MYO10: variants seen among roughly 807,000 people sequenced by gnomAD.
The protein encoded by MYO10 is unconventional myosin-X.
In MYO10, 133 loss-of-function variants were observed where a neutral mutation model predicts 257.3. The ratio of observed to expected loss-of-function variants is 0.52; its 90% CI spans 0.45 to 0.60. The LOEUF is 0.60. Ranked by LOEUF, MYO10 falls within the 20% of genes least tolerant of loss-of-function variation. The probability of loss-of-function intolerance (pLI) is 0.00; values close to 1 mark genes in which losing one functional copy is unlikely to be tolerated. For missense variants in MYO10, 2,399 were observed against 2,635.7 expected (o/e 0.91, Z 1.97); for synonymous variants, 1,104 against 1,028.6 (o/e 1.07, Z -1.40).
chr5:16,691,971 C>T (rs1448449433), intron 27 of MYO10, among the ~76,000 whole-genome samples: 1 of 152,128 alleles, frequency 6.6e-6, no homozygotes, highest in East Asian at 1.9e-4. Flanking sequence ...TTACAAACAG[C>T]AAGTGAAAGA....
At chr5:16,883,916 AAG>A (rs1362386961) in intron 1 of MYO10, among the ~76,000 whole-genome samples, 1 of 152,194 alleles carries the variant, frequency 6.6e-6, no homozygotes, top group African/African-American at 2.4e-5. Flanking sequence ...GTTCACGAAA[AAG>A]AGAACATTCT....
chr5:16,717,623 G>A (rs1168921723), intron 19 of MYO10, among the ~76,000 whole-genome samples: 1 of 152,210 alleles, frequency 6.6e-6, no homozygotes, highest in Non-Finnish European at 1.5e-5. Context: ...ATTGCAAACT[G>A]AGCAAATCCA....
At chr5:16,793,899 C>G (rs1374262651) in intron 4 of MYO10, among the ~76,000 whole-genome samples, 1 of 150,600 alleles carries the variant, frequency 6.6e-6, no homozygotes, top group African/African-American at 2.4e-5. Flanking sequence ...CCATTGCACT[C>G]CAGCCTGGGC....
At chr5:16,763,345 T>C in intron 14 of MYO10, 136 bp downstream of exon 14, 1 of 710,832 alleles carries the variant, frequency 1.4e-6, no homozygotes, top group Non-Finnish European at 2.5e-6. Context: ...ACATTTATGT[T>C]TCCAAATGGT....
At chr5:16,671,047 C>A (rs1040851182) in intron 38 of MYO10, 69 bp from the exon 39 acceptor site, 1 of 1,362,482 alleles carries the variant, frequency 7.3e-7, no homozygotes, top group Non-Finnish European at 1.0e-6. Flanking sequence ...ACGTCGCTTG[C>A]TCCCTCACTT....
rs113057084 is a variant in MYO10, at chr5:16,787,101, G to A, written c.468-3632C>T. 1.5e-3 allele frequency among the ~76,000 whole-genome samples: 222 copies of A among 152,214 alleles called. 1 individual carries two copies. Among genetic ancestry groups the A allele is most frequent in the African/African-American group, 5.1e-3 (214 of 41,554 alleles). ...GGAGAATCACTTGAATCCGGGAGGC[G>A]GAGGTTGCAGTGAGCAGAGATTGCA... On this transcript the variant is annotated intron_variant, in intron 4 of 40. Transcript: ENST00000513610.
intron 19 of MYO10, among the ~76,000 whole-genome samples, chr5:16,737,508 A>G (rs1411225670): frequency 6.6e-6 from 1 of 152,280 alleles, no homozygotes; most frequent in Non-Finnish European, 1.5e-5. Context: ...ACATCCAGAA[A>G]GTGTGAAACG....
intron 1 of MYO10, among the ~76,000 whole-genome samples, chr5:16,878,079 A>C (rs1482653593): frequency 3.3e-5 from 5 of 152,222 alleles, no homozygotes; most frequent in African/African-American, 1.2e-4. Flanking sequence ...CTTGCCCAGC[A>C]TCACAAAGAC....
chr5:16,852,472 A>G (rs1381638273), intron 2 of MYO10, among the ~76,000 whole-genome samples: 1 of 152,050 alleles, frequency 6.6e-6, no homozygotes, highest in Non-Finnish European at 1.5e-5. Flanking sequence ...TAAACAAATT[A>G]ACTGACCTTT....
intron 32 of MYO10, 45 bp downstream of exon 32, chr5:16,681,264 A>C (rs778270713): frequency 6.4e-7 from 1 of 1,556,380 alleles, no homozygotes; most frequent in Non-Finnish European, 8.7e-7. Flanking sequence ...GCAAGCCCAG[A>C]CTTTAAGATT....
intron 9 of MYO10, among the ~76,000 whole-genome samples, chr5:16,770,344 G>A (rs924283943): frequency 6.6e-4 from 100 of 152,114 alleles, no homozygotes; most frequent in African/African-American, 2.3e-3. Context: ...TTCTCCAAAG[G>A]ATTTTTTATG....
chr5:16,795,734 C>T (rs1313649612), intron 3 of MYO10, among the ~76,000 whole-genome samples: 1 of 151,962 alleles, frequency 6.6e-6, no homozygotes, highest in African/African-American at 2.4e-5. Flanking sequence ...GTCTCGAACT[C>T]CTGGTTTTGA....
chr5:16,838,510 T>C (rs1167506890), intron 2 of MYO10, among the ~76,000 whole-genome samples: 1 of 152,134 alleles, frequency 6.6e-6, no homozygotes, highest in African/African-American at 2.4e-5. Context: ...CAGCACAGAT[T>C]CGTTGATGAG....
At chr5:16,863,476 T>C (rs1744160574) in intron 2 of MYO10, among the ~76,000 whole-genome samples, 1 of 152,230 alleles carries the variant, frequency 6.6e-6, no homozygotes, top group African/African-American at 2.4e-5. Context: ...AGAACAGAAA[T>C]GCTGTGTACC....
At chr5:16,875,660 A>C (rs373155672) in intron 2 of MYO10, among the ~76,000 whole-genome samples, 1 of 152,228 alleles carries the variant, frequency 6.6e-6, no homozygotes, top group African/African-American at 2.4e-5. Flanking sequence ...AGGAGTTACA[A>C]ACACAGTATT....
chr5:16,676,246 T>G (rs1736719056), intron 33 of MYO10, 92 bp from the exon 34 acceptor site: 2 of 1,466,162 alleles, frequency 1.4e-6, no homozygotes, highest in African/African-American at 2.9e-5. Flanking sequence ...ATAAACCTAG[T>G]GGGGCAAAGA....
intron 33 of MYO10, among the ~76,000 whole-genome samples, chr5:16,679,524 G>GTTTT (rs33919452): frequency 1.2e-4 from 15 of 122,648 alleles, no homozygotes; most frequent in African/African-American, 4.8e-4. Context: ...TTTTTTGGGT[G>GTTTT]TTTTTTTTTT....
chr5:16,679,964 G>A lies in MYO10; in HGVS notation c.4525C>T (p.Leu1509=), dbSNP rs530511645. ...KAPIDTPTQQ[L]IQDIKENCLN... is the part of the protein sequence containing the mutation. ...TGGCTTACCTTGATATCTTGAATCA[G>A]CTGCTGGGTGGGGGTGTCGATCGGG... Residue 1509 remains leucine (L), a synonymous_variant, in exon 33 of 41, where the codon CTG becomes TTG. Transcript: ENST00000513610. 9.6e-5 allele frequency: 155 copies of A among 1,613,874 alleles called. No homozygotes were observed. Among genetic ancestry groups the A allele is most frequent in the South Asian group, 7.1e-4 (65 of 91,056 alleles).
rs151337340 is a variant in MYO10 at position 16,879,593 on chromosome 5, C to T, written c.22-1886G>A. Among the ~76,000 whole-genome samples, 573 of 152,264 alleles carry T rather than the reference C, an allele frequency of 3.8e-3. 1 individual carries two copies. The highest frequency in any genetic ancestry group is 0.013 in the African/African-American group (553 of 41,562). On this transcript the variant is annotated intron_variant, in intron 1 of 40. Coordinates refer to ENST00000513610, the MANE Select transcript of MYO10 (RefSeq NM_012334.3). ...TGGAGCTTAAGACTTTGCCCAGTGC[C>T]ACACAGCTAGTGACCTAGGCAGGTC...
Sources: gnomAD v4.1 joint callset for allele counts (sites outside exome capture counted in the v4.1 genomes callset) on GRCh38, gnomAD v4.1.1 for gene constraint, MANE v1.5 for transcripts, NCBI Gene and HGNC (gene_info 2026-07-23, HGNC 2026-07-21) for gene names.